Variants in NUP133 observed in about 807,000 individuals in gnomAD.
NUP133 encodes nucleoporin 133, also known as nuclear pore complex protein Nup133.
In NUP133, 66 loss-of-function variants were observed where a neutral mutation model predicts 146.2. That is an observed-to-expected ratio of 0.45 (90% CI 0.37 to 0.55). The LOEUF is 0.55. Among genes scored for constraint, NUP133 ranks in the 20% least tolerant of loss-of-function variants. The probability of loss-of-function intolerance (pLI) is 0.00; values close to 1 mark genes in which losing one functional copy is unlikely to be tolerated. For missense variants in NUP133, 1,277 were observed against 1,374.8 expected (o/e 0.93, Z 1.12); for synonymous variants, 521 against 498.8 (o/e 1.04, Z -0.59).
rs1660666328 is a variant in NUP133 at position 229,460,390 on chromosome 1, T to C, written c.2844+221A>G. On this transcript the variant is annotated intron_variant, in intron 20 of 25. Coordinates refer to ENST00000261396, the MANE Select transcript of NUP133 (RefSeq NM_018230.3). ...TTTTTGTTATTTATGTTTCCTAGGC[T>C]GGTCTTGAACTCCTGCACTCAAGAG... Among the ~76,000 whole-genome samples, 3 of 152,020 alleles carry C rather than the reference T, an allele frequency of 2.0e-5. No homozygotes were observed. In the South Asian group the frequency reaches 6.2e-4, roughly 32 times the overall value.
chr1:229,461,527 T>C (rs545204722), intron 19 of NUP133, among the ~76,000 whole-genome samples: 6 of 152,288 alleles, frequency 3.9e-5, no homozygotes, highest in Admixed American at 6.5e-5. Flanking sequence ...CTCCTCTAAA[T>C]TGCCTAACAG....
intron 21 of NUP133, among the ~76,000 whole-genome samples, chr1:229,452,982 C>G (rs911656920): frequency 6.6e-6 from 1 of 151,832 alleles, no homozygotes; most frequent in Non-Finnish European, 1.5e-5. Flanking sequence ...GTGGAGATCT[C>G]TCCATCATAT....
At chr1:229,495,685 C>T (rs1661639007) in intron 7 of NUP133, 120 bp from the exon 8 acceptor site, 1 of 881,258 alleles carries the variant, frequency 1.1e-6, no homozygotes. Context: ...ATAATGTATA[C>T]ATTAAAAAAA....
chr1:229,477,558 T>C (rs866360202), intron 13 of NUP133, 39 bp downstream of exon 13: 3 of 1,499,396 alleles, frequency 2.0e-6, no homozygotes, highest in East Asian at 4.6e-5. Flanking sequence ...AACCAGAATA[T>C]GTTCAAAACA....
intron 19 of NUP133, among the ~76,000 whole-genome samples, chr1:229,461,952 T>C (rs4925454): frequency 0.27 from 41,502 of 151,664 alleles, 7,509 homozygotes; most frequent in African/African-American, 0.51. Flanking sequence ...GGCACGATCT[T>C]GGCTCACTGC....
In NUP133 at chr1:229,499,782, T is replaced by C. The variant is rs745776006; in HGVS notation, c.550A>G (p.Ile184Val). The C allele has an allele frequency of 2.1e-5, 34 of 1,613,890 alleles. No homozygotes were observed. The highest frequency in any genetic ancestry group is 2.6e-5 in the Non-Finnish European group (31 of 1,179,934). Residue 184 changes from isoleucine (I) to valine (V), a missense_variant, in exon 5 of 26, where the codon ATC becomes GTC. Transcript: ENST00000261396. The stretch of plus-strand genomic sequence containing the variant: ...CCAGCAAGGCTTGGCCAATAGCGGA[T>C]AGATCCTTCTCTGGTGGCAACCATG... The part of the protein sequence containing the change: ...AVMVATREGS[I>V]RYWPSLAGED...
At chr1:229,478,716 G>A (rs548314764) in intron 12 of NUP133, among the ~76,000 whole-genome samples, 1 of 152,282 alleles carries the variant, frequency 6.6e-6, no homozygotes, top group East Asian at 1.9e-4. Context: ...ATGAAGAAAC[G>A]AGGGATACTG....
intron 19 of NUP133, among the ~76,000 whole-genome samples, chr1:229,461,570 C>T (rs984117642): frequency 6.6e-6 from 1 of 152,104 alleles, no homozygotes; most frequent in East Asian, 1.9e-4. Context: ...GGACAAATAA[C>T]ATCAATTTCC....
intron 21 of NUP133, among the ~76,000 whole-genome samples, chr1:229,453,014 T>C (rs1660490479): frequency 2.6e-5 from 4 of 152,168 alleles, no homozygotes; most frequent in Admixed American, 2.6e-4. Flanking sequence ...GTAAAATTTT[T>C]CCCACTAGAA....
At chr1:229,502,469 G>A (rs1171311759) in intron 2 of NUP133, among the ~76,000 whole-genome samples, 1 of 139,046 alleles carries the variant, frequency 7.2e-6, no homozygotes, top group African/African-American at 2.7e-5. Context: ...TGAGGCAAGA[G>A]AATCGCTTGA....
intron 2 of NUP133, among the ~76,000 whole-genome samples, chr1:229,504,909 C>T (rs1004977513): frequency 6.6e-6 from 1 of 152,286 alleles, no homozygotes; most frequent in African/African-American, 2.4e-5. Flanking sequence ...CTTTGTGCAG[C>T]ATATCCATAC....
chr1:229,494,067 T>C (rs1207002177), intron 8 of NUP133, among the ~76,000 whole-genome samples: 2 of 152,052 alleles, frequency 1.3e-5, no homozygotes, highest in African/African-American at 4.8e-5. Flanking sequence ...GAGGCAAAGG[T>C]TGCAGTGAGC....
intron 8 of NUP133, among the ~76,000 whole-genome samples, chr1:229,493,206 C>A (rs1661567036): frequency 6.6e-6 from 1 of 152,086 alleles, no homozygotes; most frequent in Admixed American, 6.5e-5. Context: ...GAAAAAAGGT[C>A]TTTCTCTGTT....
Position 229,480,840 on chromosome 1 carries a change from C to G in NUP133, c.1593-3080G>C, listed in dbSNP as rs373939796. 3.0e-3 allele frequency among the ~76,000 whole-genome samples: 449 copies of G among 151,026 alleles called. 2 individuals carry two copies. Among genetic ancestry groups the G allele is most frequent in the African/African-American group, 0.011 (438 of 40,982 alleles). ...TAGCTGAGATTACAGGCATGTGCCA[C>G]CACACCCAGCTATTTTTTTTTTTTT... On this transcript the variant is annotated intron_variant, in intron 12 of 25. Transcript: ENST00000261396.
rs189108715 is a variant in NUP133 at position 229,485,186 on chromosome 1, G to A, written c.1501-1041C>T. Reference sequence around the variant, plus strand: ...AAAGAAACAGAAATACAAGCTCCTTGGAAATATCTGTGATACTAACTACAA... The same window carrying A: ...AAAGAAACAGAAATACAAGCTCCTTAGAAATATCTGTGATACTAACTACAA... On this transcript the variant is annotated intron_variant, in intron 11 of 25. Coordinates refer to ENST00000261396, the MANE Select transcript of NUP133 (RefSeq NM_018230.3). 2.6e-5 allele frequency among the ~76,000 whole-genome samples: 4 copies of A among 152,248 alleles called. No homozygotes were observed. In the East Asian group the frequency reaches 7.7e-4, roughly 29 times the overall value.
At chr1:229,462,292 G>A (rs1030383356) in intron 19 of NUP133, among the ~76,000 whole-genome samples, 2 of 152,158 alleles carry the variant, frequency 1.3e-5, no homozygotes, top group Middle Eastern at 3.2e-3. Context: ...TGTTTGCAAT[G>A]TATCAAGTGA....
intron 8 of NUP133, among the ~76,000 whole-genome samples, chr1:229,491,182 G>A (rs1414513155): frequency 1.3e-5 from 2 of 152,062 alleles, no homozygotes; most frequent in Non-Finnish European, 2.9e-5. Flanking sequence ...TATTTTCTAG[G>A]GATGTTTCAT....
chr1:229,507,796 G>A (rs1452852408), intron 1 of NUP133: 1 of 428,880 alleles, frequency 2.3e-6, no homozygotes, highest in African/African-American at 2.2e-5. Context: ...GGTAGTAGGT[G>A]GGAAGTAGGT....
At chr1:229,442,602 C>A (rs888007108) in intron 25 of NUP133, among the ~76,000 whole-genome samples, 5 of 150,572 alleles carry the variant, frequency 3.3e-5, no homozygotes, top group African/African-American at 1.2e-4. Context: ...TGAAAATTTT[C>A]AAATTAATAA....
Sources: allele counts gnomAD v4.1 joint callset (sites outside exome capture counted in the v4.1 genomes callset), GRCh38; gene constraint gnomAD v4.1.1; transcripts MANE v1.5; gene names NCBI Gene and HGNC (gene_info 2026-07-23, HGNC 2026-07-21).